The following MINDY2 variants were observed in gnomAD, a reference collection of about 807,000 sequenced individuals.
MINDY2 encodes the protein ubiquitin carboxyl-terminal hydrolase MINDY-2.
A neutral mutation model predicts 68.2 loss-of-function variants in MINDY2; 52 were observed. The ratio of observed to expected loss-of-function variants is 0.76; its 90% CI spans 0.61 to 0.96. The LOEUF is 0.96. Among genes scored for constraint, MINDY2 ranks in the 40% least tolerant of loss-of-function variants. The pLI, the probability that MINDY2 is intolerant of heterozygous loss-of-function variation, is 0.00. For synonymous variants in MINDY2, 372 were observed against 303.0 expected (o/e 1.23, Z -2.36); for missense variants, 881 against 773.4 (o/e 1.14, Z -1.65).
intron 1 of MINDY2, among the ~76,000 whole-genome samples, chr15:58,787,252 C>A (rs1256462516): frequency 6.6e-6 from 1 of 151,042 alleles, no homozygotes; most frequent in Non-Finnish European, 1.5e-5. Flanking sequence ...CCTTGGCCTC[C>A]CAAAGTGTTG....
chr15:58,778,893 A>G (rs1447877009), intron 1 of MINDY2, among the ~76,000 whole-genome samples: 7 of 146,628 alleles, frequency 4.8e-5, no homozygotes, highest in African/African-American at 1.8e-4. Context: ...GCTCACTGCA[A>G]CCTCTGCCTC....
chr15:58,786,816 C>T (rs977932416), intron 1 of MINDY2, among the ~76,000 whole-genome samples: 3 of 152,062 alleles, frequency 2.0e-5, no homozygotes, highest in East Asian at 3.9e-4. Flanking sequence ...TTATAGCGTC[C>T]GTTTCTTTAC....
chr15:58,848,781 T>G (rs1247245347), intron 7 of MINDY2, among the ~76,000 whole-genome samples: 2 of 152,204 alleles, frequency 1.3e-5, no homozygotes, highest in Non-Finnish European at 2.9e-5. Flanking sequence ...CAAACAAATA[T>G]GCATCTTTCT....
chr15:58,831,015 TTGTGTG>T (rs369645565), intron 5 of MINDY2, among the ~76,000 whole-genome samples: 11 of 133,748 alleles, frequency 8.2e-5, no homozygotes, highest in African/African-American at 2.4e-4. Flanking sequence ...TGAAGATCAG[TTGTGTG>T]TGTGTGTGTG....
At chr15:58,802,696 A>G (rs915928024) in intron 3 of MINDY2, among the ~76,000 whole-genome samples, 4 of 151,940 alleles carry the variant, frequency 2.6e-5, no homozygotes, top group Admixed American at 2.0e-4. Context: ...TTCCAGGTCA[A>G]TTTGTCATTG....
chr15:58,854,514 T>G lies in MINDY2; in HGVS notation c.1770T>G (p.Ser590Arg), dbSNP rs2032988760. 6.2e-7 allele frequency: 1 copy of G among 1,613,560 alleles called. No individual in the cohort carries two copies. The highest frequency in any genetic ancestry group is 1.7e-5 in the Admixed American group (1 of 59,938). ...AGCCAGCACAAGCCTCTCCATCAAGTGGAAGACAATCTGGGAATAGTGAAC... is the reference window on the plus strand; with the variant it reads ...AGCCAGCACAAGCCTCTCCATCAAGGGGAAGACAATCTGGGAATAGTGAAC... The part of the protein sequence containing the change: ...QGQPAQASPS[S>R]GRQSGNSERK... The change falls in exon 9 of 9, where the codon AGT becomes AGG. Residue 590 changes from serine to arginine, a missense_variant. Coordinates refer to ENST00000559228, the MANE Select transcript of MINDY2 (RefSeq NM_001040450.3).
chr15:58,828,626 A>C (rs1328396904), intron 5 of MINDY2, among the ~76,000 whole-genome samples: 2 of 128,278 alleles, frequency 1.6e-5, no homozygotes, highest in African/African-American at 3.1e-5. Context: ...CAGTGGTGCG[A>C]TCTCGGCTCA....
chr15:58,776,840 A>T (rs1393947846), intron 1 of MINDY2, among the ~76,000 whole-genome samples: 1 of 152,060 alleles, frequency 6.6e-6, no homozygotes, highest in African/African-American at 2.4e-5. Flanking sequence ...GGGGCAATAT[A>T]GTGAGACCCC....
intron 4 of MINDY2, among the ~76,000 whole-genome samples, chr15:58,817,937 C>A (rs1439111906): frequency 1.3e-5 from 2 of 152,096 alleles, no homozygotes; most frequent in African/African-American, 4.8e-5. Flanking sequence ...GGATAAACGT[C>A]CTAGAATTTT....
intron 1 of MINDY2, 106 bp downstream of exon 1, chr15:58,772,341 C>A: frequency 6.8e-7 from 1 of 1,472,374 alleles, no homozygotes; most frequent in Non-Finnish European, 9.1e-7. Context: ...CCTCATTCAT[C>A]AGTCCCCTTC....
At chr15:58,809,103 A>C (rs1307564770) in intron 3 of MINDY2, among the ~76,000 whole-genome samples, 1 of 152,260 alleles carries the variant, frequency 6.6e-6, no homozygotes, top group East Asian at 1.9e-4. Flanking sequence ...CCCCAGCTAC[A>C]TGGGAGACTG....
rs1162613832 is a variant in MINDY2 at position 58,844,547 on chromosome 15, G to A, written c.1369-2750G>A. Among the ~76,000 whole-genome samples, 17 of 128,792 alleles carry A rather than the reference G, an allele frequency of 1.3e-4. 1 individual carries two copies. Among genetic ancestry groups the A allele is most frequent in the African/African-American group, 3.2e-4 (11 of 33,860 alleles). 84.5% of individuals were successfully genotyped at this position (128,792 alleles called of 152,430 possible). On this transcript the variant is annotated intron_variant, in intron 6 of 8. Coordinates refer to ENST00000559228, the MANE Select transcript of MINDY2 (RefSeq NM_001040450.3). ...AGTACTCCAGCCTGGGCGACAGAGC[G>A]AGACTCCGTCTCAAAAAAAAAAAAA...
At chr15:58,798,165 G>A (rs1365586661) in intron 2 of MINDY2, among the ~76,000 whole-genome samples, 1 of 152,066 alleles carries the variant, frequency 6.6e-6, no homozygotes, top group African/African-American at 2.4e-5. Flanking sequence ...CGCCCAGGCT[G>A]GAGTATAATG....
intron 3 of MINDY2, among the ~76,000 whole-genome samples, chr15:58,808,066 C>T (rs1041290070): frequency 2.0e-5 from 3 of 151,914 alleles, no homozygotes; most frequent in Non-Finnish European, 4.4e-5. Flanking sequence ...TCCTTCCTTC[C>T]TTTTCAGTGC....
At chr15:58,778,701 C>T (rs1303674858) in intron 1 of MINDY2, among the ~76,000 whole-genome samples, 1 of 151,306 alleles carries the variant, frequency 6.6e-6, no homozygotes, top group African/African-American at 2.4e-5. Context: ...ATCATGGCTC[C>T]GAATAGCCTC....
intron 5 of MINDY2, among the ~76,000 whole-genome samples, chr15:58,830,979 C>T (rs909972116): frequency 2.7e-5 from 4 of 149,096 alleles, no homozygotes; most frequent in Non-Finnish European, 1.5e-5. Context: ...TAGATATGAA[C>T]TTGCAATGAG....
chr15:58,806,354 CTTTTTT>C (rs57824507), intron 3 of MINDY2, among the ~76,000 whole-genome samples: 8 of 128,572 alleles, frequency 6.2e-5, no homozygotes, highest in South Asian at 2.5e-4. Context: ...AACGTGCCAA[CTTTTTT>C]TTTTTTTTTT....
Position 58,771,675 on chromosome 15 carries a change from A to C in MINDY2, c.280A>C (p.Ser94Arg). The change falls in exon 1 of 9, where the codon AGT becomes CGT. Residue 94 changes from serine to arginine, a missense_variant. By Grantham distance (110) the Ser-to-Arg change is moderately radical (BLOSUM62 -1). Transcript: ENST00000559228. ...GGACTTGAAGGACAGTGGTTTGGAG[A>C]GTCCTGCTGCCGCCGAGGCGCCTCT... ...GLDLKDSGLESPAAAEAPLRG... is the reference protein window; with the variant it reads ...GLDLKDSGLERPAAAEAPLRG... The C allele has an allele frequency of 6.2e-7, 1 of 1,612,392 alleles. No individual in the cohort carries two copies. Among genetic ancestry groups the C allele is most frequent in the Non-Finnish European group, 8.5e-7 (1 of 1,179,856 alleles).
chr15:58,820,536 C>T (rs1213584293), intron 4 of MINDY2, among the ~76,000 whole-genome samples: 4 of 151,908 alleles, frequency 2.6e-5, no homozygotes, highest in African/African-American at 7.3e-5. Context: ...ATTGTTTACT[C>T]AACCAATCAT....
Sources: allele counts gnomAD v4.1 joint callset (sites outside exome capture counted in the v4.1 genomes callset), GRCh38; gene constraint gnomAD v4.1.1; transcripts MANE v1.5; gene names NCBI Gene and HGNC (gene_info 2026-07-23, HGNC 2026-07-21).